The following FOXN3 variants were observed in gnomAD, a reference collection of about 807,000 sequenced individuals.
FOXN3 encodes the protein forkhead box N3, also known as forkhead box protein N3.
Under a neutral mutation model 38.4 loss-of-function variants are expected in FOXN3, and 7 were observed. The ratio of observed to expected loss-of-function variants is 0.18; its 90% CI spans 0.10 to 0.34. The LOEUF (loss-of-function observed/expected upper bound fraction) is 0.34. Ranked by LOEUF, FOXN3 falls within the 10% of genes least tolerant of loss-of-function variation. The pLI is 1.00. For synonymous variants in FOXN3, 230 were observed against 242.2 expected (o/e 0.95, Z 0.47); for missense variants, 456 against 613.4 (o/e 0.74, Z 2.71).
rs571038057 is a variant in FOXN3, at chr14:89,538,809, G to A, written c.-15+80219C>T. Among the ~76,000 whole-genome samples, 15 of 152,006 alleles carry A rather than the reference G, an allele frequency of 9.9e-5. No homozygotes were observed. The South Asian group carries it at 1.2e-3, about 13-fold the overall frequency. On this transcript the variant is annotated intron_variant, in intron 1 of 6. Coordinates refer to the FOXN3 transcript ENST00000345097. ...GCTGGAATTACAGGCATGAGTCACC[G>A]CACCTGGCCTTTTATTATTATTATT...
intron 3 of FOXN3, among the ~76,000 whole-genome samples, chr14:89,323,964 C>T (rs961395652): frequency 3.9e-5 from 6 of 152,078 alleles, no homozygotes; most frequent in Non-Finnish European, 8.8e-5. Flanking sequence ...GGACCTCTAG[C>T]GTGGTGCCTT....
Position 89,528,376 on chromosome 14 carries a change from C to CTTTTTTTTTTTTTTTTTTTTTTT in FOXN3, c.-15+90629_-15+90651dup, listed in dbSNP as rs55935162. ...TCATCCATACTCAACATGGATGAAT[C>CTTTTTTTTTTTTTTTTTTTTTTT]TTTTTTTTTTTTTTTTTTTTTTTTT... On this transcript the variant is annotated intron_variant, in intron 1 of 6. Transcript: ENST00000345097. Among the ~76,000 whole-genome samples, 6 of 53,550 alleles carry CTTTTTTTTTTTTTTTTTTTTTTT rather than the reference C, an allele frequency of 1.1e-4. 2 individuals carry two copies. The highest frequency in any genetic ancestry group is 1.7e-4 in the Non-Finnish European group (5 of 29,538). The allele number at this position is 53,550 out of a possible 152,430, so 35.1% of individuals were successfully genotyped here.
chr14:89,494,822 C>T (rs1367995080), intron 1 of FOXN3, among the ~76,000 whole-genome samples: 1 of 152,180 alleles, frequency 6.6e-6, no homozygotes, highest in African/African-American at 2.4e-5. Context: ...GGTCTTTATT[C>T]CTAAACCCAT....
chr14:89,306,528 G>T (rs755440971), intron 3 of FOXN3, among the ~76,000 whole-genome samples: 1 of 152,042 alleles, frequency 6.6e-6, no homozygotes, highest in Non-Finnish European at 1.5e-5. Flanking sequence ...CACCACGCCC[G>T]GCTAATTTTT....
At chr14:89,497,086 C>G (rs1893701129) in intron 1 of FOXN3, among the ~76,000 whole-genome samples, 1 of 152,142 alleles carries the variant, frequency 6.6e-6, no homozygotes, top group Non-Finnish European at 1.5e-5. Flanking sequence ...TCCCGAGTAG[C>G]TGGGATTACA....
intron 1 of FOXN3, among the ~76,000 whole-genome samples, chr14:89,547,716 CAG>C (rs1163058015): frequency 1.3e-5 from 2 of 152,208 alleles, no homozygotes; most frequent in Non-Finnish European, 2.9e-5. Flanking sequence ...TGAGCTACCA[CAG>C]GTAGATACTA....
intron 1 of FOXN3, among the ~76,000 whole-genome samples, chr14:89,459,172 G>GA (rs1566663164): frequency 6.6e-6 from 1 of 150,406 alleles, no homozygotes; most frequent in Non-Finnish European, 1.5e-5. Context: ...AGAAGAAGAA[G>GA]AAAAAAAGGG....
At chr14:89,180,582 G>T in intron 5 of FOXN3, 119 bp downstream of exon 5, 1 of 629,990 alleles carries the variant, frequency 1.6e-6, no homozygotes. Context: ...ACGCAAACCA[G>T]GTTTATTGCT....
intron 2 of FOXN3, among the ~76,000 whole-genome samples, chr14:89,390,733 CAG>C (rs1022737407): frequency 6.6e-6 from 1 of 152,096 alleles, no homozygotes; most frequent in African/African-American, 2.4e-5. Flanking sequence ...GAAACCCTTC[CAG>C]AGAGTCCCTT....
At chr14:89,427,086 G>A (rs112949029) in intron 1 of FOXN3, among the ~76,000 whole-genome samples, 8,454 of 151,518 alleles carry the variant, frequency 0.056, 294 homozygotes, top group East Asian at 0.087. Context: ...AAAATTAGCC[G>A]GGCGCAGTGG....
intron 1 of FOXN3, among the ~76,000 whole-genome samples, chr14:89,570,848 C>T (rs894050216): frequency 1.1e-4 from 16 of 152,138 alleles, no homozygotes; most frequent in Admixed American, 5.9e-4. Context: ...CTACCTTTGC[C>T]TTCAGACTAA....
chr14:89,491,091 C>G (rs575244122), intron 1 of FOXN3, among the ~76,000 whole-genome samples: 10 of 152,178 alleles, frequency 6.6e-5, no homozygotes, highest in South Asian at 2.1e-4. Flanking sequence ...TCTCCTGCCT[C>G]AGCTGGGATT....
intron 4 of FOXN3, among the ~76,000 whole-genome samples, chr14:89,204,502 T>C (rs947942458): frequency 6.6e-6 from 1 of 152,244 alleles, no homozygotes; most frequent in African/African-American, 2.4e-5. Flanking sequence ...GCCAATCAAA[T>C]GCTTGGTATT....
intron 4 of FOXN3, among the ~76,000 whole-genome samples, chr14:89,238,811 T>C (rs1224355551): frequency 6.6e-6 from 1 of 152,234 alleles, no homozygotes; most frequent in Non-Finnish European, 1.5e-5. Flanking sequence ...TTTACTCAAC[T>C]ACATCAAGAG....
intron 2 of FOXN3, among the ~76,000 whole-genome samples, chr14:89,402,752 T>A (rs1001830691): frequency 6.6e-6 from 1 of 152,226 alleles, no homozygotes; most frequent in Admixed American, 6.5e-5. Flanking sequence ...AAACCCGCAA[T>A]GCCCTAAGAA....
chr14:89,318,088 T>G (rs2139968758), intron 3 of FOXN3, among the ~76,000 whole-genome samples: 1 of 151,802 alleles, frequency 6.6e-6, no homozygotes, highest in East Asian at 1.9e-4. Context: ...GCCAGTAAGT[T>G]TCTTTAGAGT....
intron 2 of FOXN3, among the ~76,000 whole-genome samples, chr14:89,355,942 C>T (rs1322221195): frequency 5.3e-5 from 8 of 151,734 alleles, no homozygotes; most frequent in Non-Finnish European, 1.2e-4. Flanking sequence ...GGCCCCATGT[C>T]AAAGTGGAGC....
At chr14:89,385,064 G>A (rs1171867803) in intron 2 of FOXN3, among the ~76,000 whole-genome samples, 2 of 152,084 alleles carry the variant, frequency 1.3e-5, no homozygotes, top group Non-Finnish European at 2.9e-5. Flanking sequence ...TTGGCTGTCA[G>A]GCACTCAATC....
chr14:89,496,792 C>T (rs1893692376), intron 1 of FOXN3, among the ~76,000 whole-genome samples: 1 of 152,140 alleles, frequency 6.6e-6, no homozygotes, highest in African/African-American at 2.4e-5. Flanking sequence ...TTCTCCATTC[C>T]CCCGACCCCA....
Sources: gnomAD v4.1 joint callset for allele counts (sites outside exome capture counted in the v4.1 genomes callset) on GRCh38, gnomAD v4.1.1 for gene constraint, MANE v1.5 for transcripts, NCBI Gene and HGNC (gene_info 2026-07-23, HGNC 2026-07-21) for gene names.